RNF216: variants seen among roughly 807,000 people sequenced by gnomAD.
RNF216 encodes the protein ring finger protein 216.
RNF216 carries 72 observed loss-of-function variants against 110.8 expected under a neutral mutation model. The observed-to-expected ratio is 0.65, with a 90% confidence interval of 0.54 to 0.79. RNF216 has a LOEUF of 0.79. Among genes scored for constraint, RNF216 ranks in the 30% least tolerant of loss-of-function variants. The pLI, the probability that RNF216 is intolerant of heterozygous loss-of-function variation, is 0.00. For synonymous variants in RNF216, 495 were observed against 407.5 expected (o/e 1.21, Z -2.59); for missense variants, 1,342 against 1,141.2 (o/e 1.18, Z -2.54).
Position 5,671,805 on chromosome 7 carries a change from C to CAAA in RNF216, c.2062-19298_2062-19296dup, listed in dbSNP as rs11319565. 9.2e-3 allele frequency among the ~76,000 whole-genome samples: 496 copies of CAAA among 54,130 alleles called. 42 individuals are homozygous for CAAA. Among genetic ancestry groups the CAAA allele is most frequent in the African/African-American group, 0.033 (407 of 12,350 alleles). 35.5% of individuals were successfully genotyped at this position (54,130 alleles called of 152,430 possible). A position where few individuals can be genotyped will look rare whatever the true frequency, so the allele number is the denominator to read the frequency against. ...GAGCAAAGAGACCAAAACTCCGTCT[C>CAAA]AAAAAAAAAAAAAAAAAAAAAAAAG... On this transcript the variant is annotated intron_variant, in intron 13 of 16. Transcript: ENST00000389902.
chr7:5,742,582 A>AAT (rs1204538988), intron 3 of RNF216, among the ~76,000 whole-genome samples: 2 of 149,092 alleles, frequency 1.3e-5, no homozygotes, highest in Non-Finnish European at 3.0e-5. Context: ...GGATGGTGAA[A>AAT]AATCTTTTTT....
At chr7:5,691,057 C>T (rs900094310) in intron 13 of RNF216, among the ~76,000 whole-genome samples, 1 of 152,164 alleles carries the variant, frequency 6.6e-6, no homozygotes, top group South Asian at 2.1e-4. Flanking sequence ...CTCACACAGC[C>T]GTGCAAAGAA....
At chr7:5,673,979 G>T (rs571395199) in intron 13 of RNF216, among the ~76,000 whole-genome samples, 1 of 150,326 alleles carries the variant, frequency 6.7e-6, no homozygotes, top group South Asian at 2.1e-4. Flanking sequence ...TCCTGCCTCA[G>T]CCTCTGAGTG....
At chr7:5,756,197 A>C (rs1795633466) in intron 2 of RNF216, among the ~76,000 whole-genome samples, 1 of 152,146 alleles carries the variant, frequency 6.6e-6, no homozygotes, top group Non-Finnish European at 1.5e-5. Flanking sequence ...CCTCCTGAGA[A>C]GGTGCCTGCT....
intron 5 of RNF216, among the ~76,000 whole-genome samples, chr7:5,735,206 A>G (rs1226254581): frequency 1.3e-5 from 2 of 152,202 alleles, no homozygotes; most frequent in South Asian, 2.1e-4. Context: ...ACAGGAGTCT[A>G]AAGTCGTTTC....
At chr7:5,758,780 T>C (rs145371895) in intron 2 of RNF216, among the ~76,000 whole-genome samples, 2 of 152,304 alleles carry the variant, frequency 1.3e-5, no homozygotes, top group African/African-American at 4.8e-5. Context: ...TACAGGCTCA[T>C]AGGTGGAAGG....
intron 2 of RNF216, among the ~76,000 whole-genome samples, chr7:5,757,829 A>C (rs1222249630): frequency 6.6e-6 from 1 of 152,126 alleles, no homozygotes; most frequent in Non-Finnish European, 1.5e-5. Flanking sequence ...TACACTTTTA[A>C]CAAAACTACA....
intron 8 of RNF216, among the ~76,000 whole-genome samples, chr7:5,723,646 C>CAAAA (rs948474564): frequency 7.2e-4 from 99 of 136,862 alleles, no homozygotes; most frequent in Middle Eastern, 3.9e-3. Context: ...GACTCCGTCT[C>CAAAA]AAAAAAAAAA....
intron 13 of RNF216, among the ~76,000 whole-genome samples, chr7:5,710,923 G>C (rs1792642770): frequency 6.6e-6 from 1 of 152,180 alleles, no homozygotes; most frequent in Admixed American, 6.5e-5. Context: ...CAACAGCCTG[G>C]GGTGCGAACA....
rs756992044 is a variant in RNF216, at chr7:5,729,431, C to A, written c.1389+1G>T. ...CCCAACAGGAAGACCAAGTAGAGTA[C>A]CTTTCGGGTGATTGCATAGTGTCCT... is the stretch of plus-strand genomic sequence containing the variant. On this transcript the variant is annotated splice_donor_variant, in intron 7 of 16. Transcript: ENST00000389902. LOFTEE classifies it high-confidence loss of function. 6.2e-7 allele frequency: 1 copy of A among 1,613,960 alleles called. No homozygotes were observed. Among genetic ancestry groups the A allele is most frequent in the Non-Finnish European group, 8.5e-7 (1 of 1,179,946 alleles).
chr7:5,756,055 G>A (rs1049731892), intron 2 of RNF216, among the ~76,000 whole-genome samples: 2 of 152,058 alleles, frequency 1.3e-5, no homozygotes, highest in Non-Finnish European at 2.9e-5. Flanking sequence ...AGTCACGAGC[G>A]GGACAGGTGG....
chr7:5,680,812 G>C lies in RNF216; in HGVS notation c.2062-28302C>G, dbSNP rs75723744. Among the ~76,000 whole-genome samples, 1,355 of 152,184 alleles carry C rather than the reference G, an allele frequency of 8.9e-3. 21 individuals carry two copies. The highest frequency in any genetic ancestry group is 0.031 in the African/African-American group (1,291 of 41,510). Reference sequence around the variant, plus strand: ...TCCCTGAAGGACACAGCCACCCACTGGCTGCTCATGCAACAAAACCCAATT... The same window carrying C: ...TCCCTGAAGGACACAGCCACCCACTCGCTGCTCATGCAACAAAACCCAATT... On this transcript the variant is annotated intron_variant, in intron 13 of 16. Coordinates refer to ENST00000389902, the MANE Select transcript of RNF216 (RefSeq NM_207111.4). The surrounding 1 kb of genome is among the most constrained non-coding windows in gnomAD (Gnocchi z 4.3).
At chr7:5,688,162 G>T (rs987705938) in intron 13 of RNF216, among the ~76,000 whole-genome samples, 1 of 152,156 alleles carries the variant, frequency 6.6e-6, no homozygotes, top group Non-Finnish European at 1.5e-5. Flanking sequence ...TTCACGCACA[G>T]AACTGTGTAA....
Position 5,741,119 on chromosome 7 carries a change from C to T in RNF216, c.898G>A (p.Glu300Lys), listed in dbSNP as rs1356279350. 8 of 1,614,032 alleles carry T rather than the reference C, an allele frequency of 5.0e-6. No individual in the cohort carries two copies. Among genetic ancestry groups the T allele is most frequent in the Non-Finnish European group, 5.9e-6 (7 of 1,180,038 alleles). The change falls in exon 4 of 17, where the codon GAA becomes AAA. Residue 300 changes from glutamate to lysine, a missense_variant. By Grantham distance (56) the Glu-to-Lys change is moderately conservative. Transcript: ENST00000389902. Reference sequence around the variant, plus strand: ...TCATCACTTGCTAACTGCTGGTCTTCAAACTCTCCTAGAGGATGGGCAGGC... The same window carrying T: ...TCATCACTTGCTAACTGCTGGTCTTTAAACTCTCCTAGAGGATGGGCAGGC... ...PQPAHPLGEF[E>K]DQQLASDDEE...
intron 13 of RNF216, among the ~76,000 whole-genome samples, chr7:5,702,087 C>G (rs563554373): frequency 6.6e-6 from 1 of 152,166 alleles, no homozygotes; most frequent in Admixed American, 6.5e-5. Flanking sequence ...GTTCTCGGAG[C>G]CCACGCTGAC....
chr7:5,760,874 T>G (rs1584594360), intron 2 of RNF216, 129 bp downstream of exon 2: 1 of 713,970 alleles, frequency 1.4e-6, no homozygotes, highest in East Asian at 2.7e-5. Flanking sequence ...GTCTAACTAG[T>G]CTTTTTGTCA....
intron 13 of RNF216, among the ~76,000 whole-genome samples, chr7:5,694,137 T>C (rs554450677): frequency 1.9e-3 from 290 of 152,314 alleles, no homozygotes; most frequent in African/African-American, 6.4e-3. Context: ...TTTTACACTA[T>C]TGAGAAAAGA....
intron 13 of RNF216, among the ~76,000 whole-genome samples, chr7:5,658,937 G>A (rs904595711): frequency 6.6e-6 from 1 of 152,120 alleles, no homozygotes; most frequent in Non-Finnish European, 1.5e-5. Context: ...ATGTGTCGGA[G>A]TTATGTTTCA....
intron 13 of RNF216, among the ~76,000 whole-genome samples, chr7:5,657,803 C>A (rs140715902): frequency 6.2e-4 from 95 of 152,274 alleles, no homozygotes; most frequent in African/African-American, 2.0e-3. Flanking sequence ...CCTTAAATCT[C>A]AGGAGTTTAT....
Sources: gnomAD v4.1 joint callset for allele counts (sites outside exome capture counted in the v4.1 genomes callset) on GRCh38, gnomAD v4.1.1 for gene constraint, Gnocchi (gnomAD v3.1) non-coding constraint, MANE v1.5 for transcripts, NCBI Gene and HGNC (gene_info 2026-07-23, HGNC 2026-07-21) for gene names.